The following GALNTL6 variants were observed in gnomAD, a reference collection of about 807,000 sequenced individuals.
GALNTL6 encodes polypeptide N-acetylgalactosaminyltransferase-like 6.
GALNTL6 carries 46 observed loss-of-function variants against 73.7 expected under a neutral mutation model. The observed-to-expected ratio is 0.62, with a 90% CI of 0.49 to 0.80. The LOEUF (loss-of-function observed/expected upper bound fraction) is 0.80. Ranked by LOEUF, GALNTL6 falls within the 30% of genes least tolerant of loss-of-function variation. GALNTL6 has a pLI of 0.00. For synonymous variants in GALNTL6, 259 were observed against 263.7 expected (o/e 0.98, Z 0.17); for missense variants, 604 against 755.0 (o/e 0.80, Z 2.34).
chr4:171,825,539 T>C (rs1734800423), intron 2 of GALNTL6, among the ~76,000 whole-genome samples: 1 of 151,994 alleles, frequency 6.6e-6, no homozygotes, highest in Non-Finnish European at 1.5e-5. Flanking sequence ...CAAAGGAAAT[T>C]ACATTTTTTT....
intron 2 of GALNTL6, among the ~76,000 whole-genome samples, chr4:171,842,781 C>A (rs1480367788): frequency 6.6e-6 from 1 of 152,076 alleles, no homozygotes; most frequent in African/African-American, 2.4e-5. Context: ...TCCCACCAGG[C>A]CCCACCTCCA....
intron 2 of GALNTL6, among the ~76,000 whole-genome samples, chr4:171,981,097 G>T (rs543473976): frequency 3.9e-5 from 6 of 152,082 alleles, no homozygotes; most frequent in Non-Finnish European, 7.4e-5. Context: ...ACAACCTCAG[G>T]GGTCTTGAGG....
At chr4:172,386,616 A>G (rs1412129795) in intron 5 of GALNTL6, among the ~76,000 whole-genome samples, 2 of 152,154 alleles carry the variant, frequency 1.3e-5, no homozygotes, top group African/African-American at 4.8e-5. Flanking sequence ...AGTAAGCATC[A>G]TGGCTCAGCC....
intron 2 of GALNTL6, among the ~76,000 whole-genome samples, chr4:172,189,607 T>C (rs2110874838): frequency 6.6e-6 from 1 of 152,328 alleles, no homozygotes; most frequent in Non-Finnish European, 1.5e-5. Context: ...GACTAATTTA[T>C]TATTTTTAAA....
chr4:172,603,616 A>C (rs1018464029), intron 5 of GALNTL6, among the ~76,000 whole-genome samples: 7 of 152,268 alleles, frequency 4.6e-5, no homozygotes, highest in African/African-American at 1.7e-4. Context: ...AGATTAAAAA[A>C]TAAATAAATA....
At chr4:172,668,193 G>T (rs1163983101) in intron 5 of GALNTL6, 1 of 152,162 alleles carries the variant, frequency 6.6e-6, no homozygotes, top group East Asian at 1.9e-4. Context: ...CACAGTGCTA[G>T]TAGACTACAT....
intron 5 of GALNTL6, among the ~76,000 whole-genome samples, chr4:172,666,016 A>G (rs1386457313): frequency 6.6e-6 from 1 of 152,056 alleles, no homozygotes; most frequent in African/African-American, 2.4e-5. Flanking sequence ...TTTTTTATCT[A>G]GATTTTTACT....
chr4:172,346,664 C>T (rs1477730409), intron 4 of GALNTL6, among the ~76,000 whole-genome samples: 1 of 152,128 alleles, frequency 6.6e-6, no homozygotes, highest in Non-Finnish European at 1.5e-5. Flanking sequence ...ATATAAATGT[C>T]TTGAAGTTCA....
At chr4:171,864,537 T>A (rs1398535606) in intron 2 of GALNTL6, among the ~76,000 whole-genome samples, 2 of 152,196 alleles carry the variant, frequency 1.3e-5, no homozygotes, top group Admixed American at 6.5e-5. Context: ...GCCCACTGAA[T>A]CTTTCCTGAT....
At chr4:172,180,347 C>T (rs1013997081) in intron 2 of GALNTL6, among the ~76,000 whole-genome samples, 24 of 151,748 alleles carry the variant, frequency 1.6e-4, no homozygotes, top group African/African-American at 5.8e-4. Context: ...TGGATATTAG[C>T]CCTTTCTCAG....
At chr4:172,943,803 T>C (rs1749026445) in intron 9 of GALNTL6, among the ~76,000 whole-genome samples, 1 of 152,214 alleles carries the variant, frequency 6.6e-6, no homozygotes, top group African/African-American at 2.4e-5. Flanking sequence ...CAAGAATCTA[T>C]TTCTGGAAGA....
chr4:172,001,037 T>A (rs1480556591), intron 2 of GALNTL6, among the ~76,000 whole-genome samples: 1 of 152,200 alleles, frequency 6.6e-6, no homozygotes. Flanking sequence ...AGTCTGGTCA[T>A]AGCAATAGCA....
intron 5 of GALNTL6, among the ~76,000 whole-genome samples, chr4:172,802,547 G>A (rs1239888298): frequency 6.6e-6 from 1 of 152,146 alleles, no homozygotes; most frequent in East Asian, 1.9e-4. Flanking sequence ...TGTAATCCCA[G>A]CACTTTGGGA....
intron 2 of GALNTL6, among the ~76,000 whole-genome samples, chr4:171,950,488 T>G (rs1016198117): frequency 2.0e-5 from 3 of 150,334 alleles, no homozygotes; most frequent in African/African-American, 7.3e-5. Context: ...TTTTCTTTTT[T>G]TTTTTTTTTT....
intron 5 of GALNTL6, among the ~76,000 whole-genome samples, chr4:172,724,623 G>A (rs958555036): frequency 6.6e-6 from 1 of 152,074 alleles, no homozygotes; most frequent in Non-Finnish European, 1.5e-5. Context: ...TGCTCTTCCT[G>A]ACACACAGCA....
intron 2 of GALNTL6, among the ~76,000 whole-genome samples, chr4:172,206,898 A>G (rs577753034): frequency 6.3e-5 from 9 of 142,106 alleles, no homozygotes; most frequent in Admixed American, 2.3e-4. Flanking sequence ...ACTCACTGCA[A>G]GCTCCGCCTC....
chr4:172,257,841 C>T (rs1392111853), intron 3 of GALNTL6, among the ~76,000 whole-genome samples: 1 of 151,332 alleles, frequency 6.6e-6, no homozygotes, highest in Non-Finnish European at 1.5e-5. Context: ...AGAAGCCTAT[C>T]TGATCATTTA....
rs759372380 is a variant in GALNTL6, at chr4:172,510,065, A to G, written c.553+161376A>G. 3.3e-4 allele frequency among the ~76,000 whole-genome samples: 18 copies of G among 55,132 alleles called. 8 individuals carry two copies. Among genetic ancestry groups the G allele is most frequent in the Non-Finnish European group, 4.6e-4 (11 of 23,908 alleles). 36.2% of individuals were successfully genotyped at this position (55,132 alleles called of 152,430 possible). A position where few individuals can be genotyped will look rare whatever the true frequency, so the allele number is the denominator to read the frequency against. The stretch of plus-strand genomic sequence containing the variant: ...CCTTTTCACAATATTGATTCTTCCC[A>G]TCCATGAGCATGGGATGTGTTTCCA... On this transcript the variant is annotated intron_variant, in intron 5 of 12. Coordinates refer to ENST00000506823, the MANE Select transcript of GALNTL6 (RefSeq NM_001034845.3).
chr4:171,906,088 A>T (rs1737266012), intron 2 of GALNTL6, among the ~76,000 whole-genome samples: 1 of 152,160 alleles, frequency 6.6e-6, no homozygotes, highest in Non-Finnish European at 1.5e-5. Flanking sequence ...AAAGAACTAG[A>T]AAAGCAAGAG....
Sources: allele counts gnomAD v4.1 joint callset (sites outside exome capture counted in the v4.1 genomes callset), GRCh38; gene constraint gnomAD v4.1.1; transcripts MANE v1.5; gene names NCBI Gene and HGNC (gene_info 2026-07-23, HGNC 2026-07-21).